Variants in PLEKHA5 observed in about 807,000 individuals in gnomAD.
PLEKHA5 encodes the protein pleckstrin homology domain containing A5.
A neutral mutation model predicts 181.9 loss-of-function variants in PLEKHA5; 55 were observed. The ratio of observed to expected loss-of-function variants is 0.30; its 90% CI spans 0.24 to 0.38. The LOEUF is 0.38. PLEKHA5 is among the 10% of genes least tolerant of loss of function. PLEKHA5 has a pLI of 1.00. For missense variants in PLEKHA5, 1,432 were observed against 1,549.5 expected, an observed-to-expected ratio of 0.92 and a Z score of 1.27; for synonymous variants, 535 against 529.4, an observed-to-expected ratio of 1.01 and a Z score of -0.15.
intron 15 of PLEKHA5, among the ~76,000 whole-genome samples, chr12:19,314,393 C>T (rs2087746985): frequency 6.6e-6 from 1 of 152,022 alleles, no homozygotes; most frequent in Non-Finnish European, 1.5e-5. Flanking sequence ...TTTTTTATAA[C>T]CTTACACAGA....
At chr12:19,287,622 A>G in intron 13 of PLEKHA5, 66 bp downstream of exon 13, 1 of 889,202 alleles carries the variant, frequency 1.1e-6, no homozygotes, top group Non-Finnish European at 1.8e-6. Context: ...GTACATATCT[A>G]ACATAATTTT....
intron 21 of PLEKHA5, among the ~76,000 whole-genome samples, chr12:19,343,046 G>A (rs2094058729): frequency 6.6e-6 from 1 of 151,654 alleles, no homozygotes; most frequent in Non-Finnish European, 1.5e-5. Context: ...ATGCCTTCCT[G>A]GTATCATAAA....
chr12:19,344,753 T>C (rs1043174484), intron 22 of PLEKHA5, among the ~76,000 whole-genome samples: 1 of 152,176 alleles, frequency 6.6e-6, no homozygotes, highest in Non-Finnish European at 1.5e-5. Flanking sequence ...CTTTTTAATG[T>C]AATTGCTTTC....
chr12:19,235,757 G>A lies in PLEKHA5; in HGVS notation c.228-18183G>A, dbSNP rs114542822. Reference sequence around the variant, plus strand: ...TGTGTGAATAGGCATATGAAGAAAGGTTTAACCTCACTTTAAATTAAAACA... The same window carrying A: ...TGTGTGAATAGGCATATGAAGAAAGATTTAACCTCACTTTAAATTAAAACA... On this transcript the variant is annotated intron_variant, in intron 3 of 31. Transcript: ENST00000429027. Among the ~76,000 whole-genome samples the A allele has an allele frequency of 5.1e-3, 775 of 152,170 alleles. 5 individuals are homozygous for A. Among genetic ancestry groups the A allele is most frequent in the African/African-American group, 0.018 (736 of 41,526 alleles).
intron 25 of PLEKHA5, among the ~76,000 whole-genome samples, chr12:19,352,523 T>G (rs2094653673): frequency 6.6e-6 from 1 of 151,728 alleles, no homozygotes. Flanking sequence ...AACATTTAGG[T>G]TGAACTAACT....
chr12:19,235,169 G>C (rs1004173157), intron 3 of PLEKHA5, among the ~76,000 whole-genome samples: 1 of 152,078 alleles, frequency 6.6e-6, no homozygotes, highest in African/African-American at 2.4e-5. Flanking sequence ...GTGTTGGCTT[G>C]CTTATCTATA....
intron 3 of PLEKHA5, among the ~76,000 whole-genome samples, chr12:19,178,099 G>A (rs542157429): frequency 2.0e-5 from 3 of 152,216 alleles, no homozygotes; most frequent in Non-Finnish European, 4.4e-5. Context: ...GAACCATTGA[G>A]CACTCACCCC....
intron 20 of PLEKHA5, among the ~76,000 whole-genome samples, chr12:19,329,118 C>T (rs1326009221): frequency 6.6e-6 from 1 of 151,994 alleles, no homozygotes; most frequent in African/African-American, 2.4e-5. Context: ...GTTTTTTATT[C>T]TGTTTATGTG....
At chr12:19,311,676 C>T (rs1317243065) in intron 15 of PLEKHA5, among the ~76,000 whole-genome samples, 2 of 152,170 alleles carry the variant, frequency 1.3e-5, no homozygotes, top group African/African-American at 4.8e-5. Flanking sequence ...CTCACATCTT[C>T]AGGCTTCACT....
chr12:19,293,457 GTGTATATTATGCACTT>G (rs2078984551), intron 15 of PLEKHA5, among the ~76,000 whole-genome samples: 1 of 152,102 alleles, frequency 6.6e-6, no homozygotes, highest in Admixed American at 6.6e-5. Context: ...TTTAACCACA[GTGTATATTATGCACTT>G]TGTATATTAT....
intron 11 of PLEKHA5, among the ~76,000 whole-genome samples, chr12:19,281,827 G>T (rs75289219): frequency 0.055 from 8,324 of 151,960 alleles, 384 homozygotes; most frequent in East Asian, 0.18. Flanking sequence ...TGTCGCCCAG[G>T]CTGGAGTGCA....
rs775535400 is a variant in PLEKHA5, at chr12:19,132,376, T to C, written c.170-17T>C. On this transcript the variant is annotated splice_polypyrimidine_tract_variant and intron_variant, in intron 2 of 31. Transcript: ENST00000429027. ...ATCATTGAAGTAATACTAATTGTAA[T>C]ATATGTATTGTTTTAGATTTGCCTA... 18 of 1,252,080 alleles carry C rather than the reference T, an allele frequency of 1.4e-5. No individual in the cohort carries two copies. Among genetic ancestry groups the C allele is most frequent in the Non-Finnish European group, 1.2e-6 (1 of 861,496 alleles). 77.6% of individuals were successfully genotyped at this position (1,252,080 alleles called of 1,614,324 possible).
chr12:19,327,644 C>CTTTTTT (rs1038779087), intron 20 of PLEKHA5, among the ~76,000 whole-genome samples: 2 of 41,596 alleles, frequency 4.8e-5, no homozygotes, highest in African/African-American at 5.0e-5. Context: ...TTTCTTTTTT[C>CTTTTTT]TTTTTTTTTT....
chr12:19,269,744 A>T lies in PLEKHA5; in HGVS notation c.712-26A>T. 3.4e-6 allele frequency: 4 copies of T among 1,185,812 alleles called. No homozygotes were observed. In the South Asian group the frequency reaches 5.2e-5, roughly 15 times the overall value. The allele number at this position is 1,185,812 out of a possible 1,614,324, so 73.5% of individuals were successfully genotyped here. ...TTTACAGAATCCTATATTTTTATTT[A>T]AAATGATCGTGTCATTTTCAATCAG... On this transcript the variant is annotated intron_variant, in intron 8 of 31. Coordinates refer to ENST00000429027, the MANE Select transcript of PLEKHA5 (RefSeq NM_001256470.2).
intron 3 of PLEKHA5, among the ~76,000 whole-genome samples, chr12:19,238,116 T>C (rs1431062499): frequency 6.6e-6 from 1 of 152,066 alleles, no homozygotes; most frequent in Non-Finnish European, 1.5e-5. Context: ...TTAGTTTTTT[T>C]CTTATAATTG....
At chr12:19,357,451 G>A (rs2095007917) in intron 26 of PLEKHA5, among the ~76,000 whole-genome samples, 2 of 151,946 alleles carry the variant, frequency 1.3e-5, no homozygotes, top group Admixed American at 1.3e-4. Context: ...TCGCCATGTT[G>A]GCCAGGCTGG....
At chr12:19,306,610 A>AGGT (rs2083772955) in intron 15 of PLEKHA5, 1 of 931,192 alleles carries the variant, frequency 1.1e-6, no homozygotes, top group Non-Finnish European at 1.8e-6. Context: ...CCAGTAGCGG[A>AGGT]GGTGGTGGCG....
intron 11 of PLEKHA5, among the ~76,000 whole-genome samples, chr12:19,276,085 T>A (rs2074425385): frequency 6.6e-6 from 1 of 152,256 alleles, no homozygotes; most frequent in African/African-American, 2.4e-5. Flanking sequence ...CAAGCAGTGA[T>A]ACGAAGAATA....
intron 20 of PLEKHA5, among the ~76,000 whole-genome samples, chr12:19,326,245 T>C (rs2092063075): frequency 6.6e-6 from 1 of 152,198 alleles, no homozygotes; most frequent in Non-Finnish European, 1.5e-5. Context: ...TGTAAACTTA[T>C]TTATATTTGT....
Sources: allele counts gnomAD v4.1 joint callset (sites outside exome capture counted in the v4.1 genomes callset), GRCh38; gene constraint gnomAD v4.1.1; transcripts MANE v1.5; gene names NCBI Gene and HGNC (gene_info 2026-07-23, HGNC 2026-07-21).